LIPC: variants seen among roughly 807,000 people sequenced by gnomAD.
LIPC encodes lipase C, hepatic type.
LIPC carries 44 observed loss-of-function variants against 50.7 expected under a neutral mutation model. That is an observed-to-expected ratio of 0.87 (90% CI 0.68 to 1.11). The LOEUF is 1.11. Among genes scored for constraint, LIPC ranks in the 50% most tolerant of loss-of-function variants. The probability of loss-of-function intolerance (pLI) is 0.00; values close to 1 mark genes in which losing one functional copy is unlikely to be tolerated. For missense variants in LIPC, 697 were observed against 648.2 expected, an observed-to-expected ratio of 1.08 and a Z score of -0.82; for synonymous variants, 271 against 256.4, an observed-to-expected ratio of 1.06 and a Z score of -0.54.
chr15:58,503,427 G>C (rs567595588), intron 1 of LIPC, among the ~76,000 whole-genome samples: 1 of 152,310 alleles, frequency 6.6e-6, no homozygotes, highest in East Asian at 1.9e-4. Context: ...GGCAGCGCCA[G>C]CCTCTGGATA....
At chr15:58,436,485 ATT>A (rs1163717738) in intron 1 of LIPC, 2 of 263,988 alleles carry the variant, frequency 7.6e-6, no homozygotes, top group East Asian at 9.6e-5. Flanking sequence ...GTTAAAATGT[ATT>A]TGTCTTTTTA....
intron 1 of LIPC, chr15:58,454,277 T>C (rs1421768845): frequency 2.0e-5 from 3 of 152,266 alleles, no homozygotes; most frequent in African/African-American, 7.2e-5. Context: ...GCAAGGGATT[T>C]CCTTAGGGAA....
rs540475668 is a variant in LIPC, at chr15:58,483,797, A to G, written c.88+51677A>G. Among the ~76,000 whole-genome samples, 8 of 152,256 alleles carry G rather than the reference A, an allele frequency of 5.3e-5. 1 individual carries two copies. The highest frequency in any genetic ancestry group is 1.9e-4 in the African/African-American group (8 of 41,552). ...TTGATAATTTAATAGCTCTGCAAAA[A>G]GTGCTTCTGAAGCAAGAAAACTTAG... is the stretch of plus-strand genomic sequence containing the variant. On this transcript the variant is annotated intron_variant, in intron 1 of 8. Coordinates refer to ENST00000299022, the MANE Select transcript of LIPC (RefSeq NM_000236.3).
intron 1 of LIPC, chr15:58,435,264 C>T (rs747527076): frequency 6.6e-6 from 1 of 152,192 alleles, no homozygotes; most frequent in East Asian, 1.9e-4. Context: ...GCTGGATTAT[C>T]TTACCTGTTT....
intron 1 of LIPC, among the ~76,000 whole-genome samples, chr15:58,481,164 C>T (rs149757949): frequency 1.8e-4 from 27 of 152,264 alleles, no homozygotes; most frequent in African/African-American, 4.6e-4. Context: ...TGCTCCATTT[C>T]GCTAAATATC....
rs1000757137 is a variant in LIPC, at chr15:58,470,104, T to C, written c.88+37984T>C. Among the ~76,000 whole-genome samples, 7 of 152,070 alleles carry C rather than the reference T, an allele frequency of 4.6e-5. 1 individual carries two copies. Among genetic ancestry groups the C allele is most frequent in the Admixed American group, 3.3e-4 (5 of 15,268 alleles). ...CATACCACCACACCCGGATAATTTT[T>C]GTAATTTTTTAGAGATAAGGTTTCA... On this transcript the variant is annotated intron_variant, in intron 1 of 8. Coordinates refer to ENST00000299022, the MANE Select transcript of LIPC (RefSeq NM_000236.3).
Position 58,561,095 on chromosome 15 carries a change from C to T in LIPC, c.1169+114C>T, listed in dbSNP as rs1057474932. On this transcript the variant is annotated intron_variant, in intron 7 of 8. Coordinates refer to ENST00000299022, the MANE Select transcript of LIPC (RefSeq NM_000236.3). The stretch of plus-strand genomic sequence containing the variant: ...CCAGCTACAACTACTTTATTCCAGA[C>T]GCAAACCAAAAACTATCTGAGACAC... The T allele has an allele frequency of 3.6e-5, 27 of 752,002 alleles. No homozygotes were observed. In the Middle Eastern group the frequency reaches 7.1e-4, roughly 20 times the overall value. The allele number at this position is 752,002 out of a possible 1,614,324, so 46.6% of individuals were successfully genotyped here.
At chr15:58,456,781 C>G (rs1332552168) in intron 1 of LIPC, among the ~76,000 whole-genome samples, 3 of 152,240 alleles carry the variant, frequency 2.0e-5, no homozygotes, top group Admixed American at 1.3e-4. Context: ...GAGAGGTCCT[C>G]TGTCTTTTTA....
chr15:58,485,418 G>A (rs775609995), intron 1 of LIPC, among the ~76,000 whole-genome samples: 2 of 152,230 alleles, frequency 1.3e-5, no homozygotes, highest in Non-Finnish European at 2.9e-5. Context: ...AGGTTTGTTG[G>A]GTGCCGGAGG....
Position 58,478,308 on chromosome 15 carries a change from G to T in LIPC, c.88+46188G>T, listed in dbSNP as rs1039309915. On this transcript the variant is annotated intron_variant, in intron 1 of 8. Transcript: ENST00000299022. ...GGCTGGAATGCAGTGGCATAATCTC[G>T]GCTCACTGTAACCTCCACCTCCTGG... Among the ~76,000 whole-genome samples, 6 of 152,070 alleles carry T rather than the reference G, an allele frequency of 3.9e-5. No homozygotes were observed. In the East Asian group the frequency reaches 1.2e-3, roughly 29 times the overall value.
chr15:58,463,679 A>T (rs1894432797), intron 1 of LIPC, among the ~76,000 whole-genome samples: 2 of 151,860 alleles, frequency 1.3e-5, no homozygotes, highest in South Asian at 4.2e-4. Flanking sequence ...CTCCACTCCC[A>T]TCTCCTTGAC....
At chr15:58,559,702 CAAAAAAAAA>C (rs1555407236) in intron 6 of LIPC, among the ~76,000 whole-genome samples, 1 of 11,506 alleles carries the variant, frequency 8.7e-5, no homozygotes, top group Non-Finnish European at 2.6e-4. Flanking sequence ...GACCCTGTCT[CAAAAAAAAA>C]AAAAAAAAAA....
chr15:58,477,806 G>C (rs1891049008), intron 1 of LIPC, among the ~76,000 whole-genome samples: 1 of 152,102 alleles, frequency 6.6e-6, no homozygotes, highest in African/African-American at 2.4e-5. Context: ...AGGGAAGCCA[G>C]GCCTCAATAG....
chr15:58,446,102 A>G (rs1468911587), intron 1 of LIPC, among the ~76,000 whole-genome samples: 2 of 152,222 alleles, frequency 1.3e-5, no homozygotes, highest in African/African-American at 2.4e-5. Context: ...ACCAGTTGAG[A>G]TAAGAGGGGG....
At chr15:58,432,251 C>G in intron 1 of LIPC, 131 bp downstream of exon 1, 1 of 743,148 alleles carries the variant, frequency 1.3e-6, no homozygotes, top group South Asian at 1.4e-5. Context: ...GTTCTATACA[C>G]GACCTCACAG....
intron 1 of LIPC, chr15:58,474,027 C>T (rs1450637171): frequency 6.6e-6 from 1 of 152,194 alleles, no homozygotes; most frequent in African/African-American, 2.4e-5. Flanking sequence ...GGTACATGTG[C>T]CCACTCAGCA....
At chr15:58,494,503 C>T (rs1315840217) in intron 1 of LIPC, among the ~76,000 whole-genome samples, 2 of 152,218 alleles carry the variant, frequency 1.3e-5, no homozygotes, top group Admixed American at 1.3e-4. Context: ...CAGGGCTTGG[C>T]AATGCCTATG....
chr15:58,537,306 T>C (rs1370524771), intron 1 of LIPC, among the ~76,000 whole-genome samples: 2 of 152,178 alleles, frequency 1.3e-5, no homozygotes, highest in Non-Finnish European at 2.9e-5. Context: ...GGATGGCCAC[T>C]CACCCACCCC....
At chr15:58,533,830 T>G (rs1205167745) in intron 1 of LIPC, among the ~76,000 whole-genome samples, 4 of 152,222 alleles carry the variant, frequency 2.6e-5, no homozygotes, top group African/African-American at 7.2e-5. Context: ...TCAGCACTTT[T>G]CAAATTATAC....
Sources: gnomAD v4.1 joint callset for allele counts (sites outside exome capture counted in the v4.1 genomes callset) on GRCh38, gnomAD v4.1.1 for gene constraint, MANE v1.5 for transcripts, NCBI Gene and HGNC (gene_info 2026-07-23, HGNC 2026-07-21) for gene names.